CSMD1: variants seen among roughly 807,000 people sequenced by gnomAD.
The protein encoded by CSMD1 is CUB and sushi domain-containing protein 1.
CSMD1 carries 213 observed loss-of-function variants against 417.5 expected under a neutral mutation model. The ratio of observed to expected loss-of-function variants is 0.51; its 90% confidence interval spans 0.46 to 0.57. CSMD1 has a LOEUF of 0.57. CSMD1 is among the 20% of genes least tolerant of loss of function. The pLI is 0.00. For synonymous variants in CSMD1, 2,862 were observed against 1,736.8 expected, an observed-to-expected ratio of 1.65 and a Z score of -16.11; for missense variants, 6,923 against 4,529.7, an observed-to-expected ratio of 1.53 and a Z score of -15.17.
chr8:3,151,986 T>C (rs988216892), intron 39 of CSMD1, among the ~76,000 whole-genome samples: 4 of 152,144 alleles, frequency 2.6e-5, no homozygotes, highest in African/African-American at 7.2e-5. Context: ...AAACCAAGCC[T>C]GGAAGAGATG....
intron 5 of CSMD1, among the ~76,000 whole-genome samples, chr8:3,787,170 C>G (rs1459461363): frequency 6.6e-6 from 1 of 152,090 alleles, no homozygotes; most frequent in Non-Finnish European, 1.5e-5. Context: ...GTAGCTTTCA[C>G]TTTCTAGAAA....
Position 4,642,359 on chromosome 8 carries a change from A to C in CSMD1, c.86-4801T>G, listed in dbSNP as rs147206301. On this transcript the variant is annotated intron_variant, in intron 1 of 69. Transcript: ENST00000635120. ...GCCCTGTGCCCTCATCATTTCTGAG[A>C]TGAACTAACCCCTCCACTCTGAACA... 1.7e-3 allele frequency among the ~76,000 whole-genome samples: 264 copies of C among 152,248 alleles called. 3 individuals are homozygous for C. Among genetic ancestry groups the C allele is most frequent in the African/African-American group, 6.1e-3 (252 of 41,538 alleles).
At chr8:3,903,204 G>A (rs1213655707) in intron 5 of CSMD1, among the ~76,000 whole-genome samples, 1 of 152,014 alleles carries the variant, frequency 6.6e-6, no homozygotes, top group Non-Finnish European at 1.5e-5. Context: ...CCTTCAGTGT[G>A]ACTCTGCACC....
At chr8:4,293,680 A>C (rs1319384371) in intron 3 of CSMD1, among the ~76,000 whole-genome samples, 4 of 152,180 alleles carry the variant, frequency 2.6e-5, no homozygotes, top group Non-Finnish European at 5.9e-5. Flanking sequence ...AATAACAATC[A>C]TATCTCATTA....
chr8:4,065,516 G>T (rs1052421323), intron 3 of CSMD1, among the ~76,000 whole-genome samples: 1 of 151,974 alleles, frequency 6.6e-6, no homozygotes, highest in Non-Finnish European at 1.5e-5. Context: ...TCAAAGTGAA[G>T]TTACGGTATC....
intron 5 of CSMD1, among the ~76,000 whole-genome samples, chr8:3,871,112 A>C (rs1805456174): frequency 1.3e-5 from 2 of 152,118 alleles, no homozygotes; most frequent in South Asian, 4.1e-4. Flanking sequence ...ATAGACATCT[A>C]GAATATTTTC....
intron 5 of CSMD1, among the ~76,000 whole-genome samples, chr8:3,950,396 G>A (rs936298037): frequency 1.3e-5 from 2 of 152,168 alleles, no homozygotes; most frequent in Admixed American, 6.5e-5. Flanking sequence ...AGTTCCAATC[G>A]GCCTACGGGT....
chr8:4,713,234 C>T (rs1378804727), intron 1 of CSMD1, among the ~76,000 whole-genome samples: 2 of 152,138 alleles, frequency 1.3e-5, no homozygotes, highest in African/African-American at 4.8e-5. Context: ...GATTTATTAG[C>T]CAATTACTCA....
chr8:4,634,971 T>C (rs967497708), intron 2 of CSMD1, among the ~76,000 whole-genome samples: 2 of 152,058 alleles, frequency 1.3e-5, no homozygotes. Context: ...TCCTCGAACG[T>C]CTCCTCAAAA....
chr8:4,751,623 T>C (rs1306121054), intron 1 of CSMD1, among the ~76,000 whole-genome samples: 3 of 152,134 alleles, frequency 2.0e-5, no homozygotes, highest in African/African-American at 7.2e-5. Context: ...AATAGCAGCC[T>C]CAAGGGTGAA....
intron 3 of CSMD1, among the ~76,000 whole-genome samples, chr8:4,039,999 G>GC (rs1434368950): frequency 6.6e-6 from 1 of 152,146 alleles, no homozygotes. Flanking sequence ...CAGGTTAAGT[G>GC]CCCCATACAT....
chr8:3,656,420 A>G (rs375386845), intron 7 of CSMD1, among the ~76,000 whole-genome samples: 10 of 152,198 alleles, frequency 6.6e-5, no homozygotes, highest in African/African-American at 1.2e-4. Context: ...TCACCTATAC[A>G]CAGCATTTCT....
At chr8:3,358,538 C>T (rs1382108631) in intron 21 of CSMD1, among the ~76,000 whole-genome samples, 1 of 152,158 alleles carries the variant, frequency 6.6e-6, no homozygotes, top group East Asian at 1.9e-4. Context: ...ATCAGCAAGC[C>T]AATTCCTGCA....
At chr8:4,969,406 T>C (rs1585429859) in intron 1 of CSMD1, among the ~76,000 whole-genome samples, 1 of 151,870 alleles carries the variant, frequency 6.6e-6, no homozygotes, top group East Asian at 1.9e-4. Flanking sequence ...CAAGATCCAG[T>C]AGGGCAAGTT....
chr8:4,846,163 A>T (rs1801131884), intron 1 of CSMD1, among the ~76,000 whole-genome samples: 1 of 152,204 alleles, frequency 6.6e-6, no homozygotes, highest in Non-Finnish European at 1.5e-5. Flanking sequence ...ATTGTGTATG[A>T]AAACTAGCAC....
chr8:3,403,793 T>G (rs775686224), intron 15 of CSMD1, among the ~76,000 whole-genome samples: 10 of 152,226 alleles, frequency 6.6e-5, no homozygotes, highest in African/African-American at 2.4e-4. Context: ...GTATCATATC[T>G]TTGAGCACCA....
rs577672806 is a variant in CSMD1 at position 3,723,672 on chromosome 8, T to A, written c.932-15181A>T. ...TTGTAACTTCCCAAAACTTAAAGAC[T>A]TTTTTTGGTAAGAGCAGGGTGATAT... On this transcript the variant is annotated intron_variant, in intron 6 of 69. Transcript: ENST00000635120. Among the ~76,000 whole-genome samples, 41 of 152,216 alleles carry A rather than the reference T, an allele frequency of 2.7e-4. No individual in the cohort carries two copies. The East Asian group carries it at 6.6e-3, about 24-fold the overall frequency.
At chr8:4,610,111 G>C (rs1356550285) in intron 2 of CSMD1, among the ~76,000 whole-genome samples, 1 of 151,332 alleles carries the variant, frequency 6.6e-6, no homozygotes, top group African/African-American at 2.4e-5. Context: ...CTCCTTTTCA[G>C]GGAAAGGGTG....
At chr8:3,258,364 A>G (rs1006541784) in intron 26 of CSMD1, among the ~76,000 whole-genome samples, 8 of 152,354 alleles carry the variant, frequency 5.3e-5, no homozygotes, top group African/African-American at 1.9e-4. Flanking sequence ...ACTGATCGTT[A>G]GAGAAATGCA....
Sources: gnomAD v4.1 joint callset for allele counts (sites outside exome capture counted in the v4.1 genomes callset) on GRCh38, gnomAD v4.1.1 for gene constraint, MANE v1.5 for transcripts, NCBI Gene and HGNC (gene_info 2026-07-23, HGNC 2026-07-21) for gene names.